Variants in ADCY8 observed in about 807,000 individuals in gnomAD.
The protein encoded by ADCY8 is adenylate cyclase type 8.
A neutral mutation model predicts 119.7 loss-of-function variants in ADCY8; 51 were observed. The ratio of observed to expected loss-of-function variants is 0.43; its 90% CI spans 0.34 to 0.54. ADCY8 has a LOEUF of 0.54. Among genes scored for constraint, ADCY8 ranks in the 20% least tolerant of loss-of-function variants. The pLI is 0.03. For missense variants in ADCY8, 1,383 were observed against 1,598.8 expected (o/e 0.87, Z 2.30); for synonymous variants, 665 against 651.0 (o/e 1.02, Z -0.33).
chr8:130,851,009 C>A (rs1052872325), intron 9 of ADCY8, among the ~76,000 whole-genome samples: 1 of 152,118 alleles, frequency 6.6e-6, no homozygotes, highest in African/African-American at 2.4e-5. Context: ...AGGCATCATA[C>A]AGTTGGTCAG....
At chr8:130,923,430 A>C (rs1254129902) in intron 5 of ADCY8, among the ~76,000 whole-genome samples, 2 of 152,256 alleles carry the variant, frequency 1.3e-5, no homozygotes, top group African/African-American at 4.8e-5. Context: ...TGACCCTGCC[A>C]CAAGGATTAA....
At chr8:130,893,657 GGTGTGTGTGTGTGTGT>G (rs113157821) in intron 7 of ADCY8, among the ~76,000 whole-genome samples, 4 of 148,896 alleles carry the variant, frequency 2.7e-5, no homozygotes, top group Admixed American at 2.0e-4. Context: ...GGGAGAAGAA[GGTGTGTGTGTGTGTGT>G]GTGTGTGTGT....
intron 2 of ADCY8, among the ~76,000 whole-genome samples, chr8:130,984,870 G>A (rs562536573): frequency 1.3e-5 from 2 of 152,130 alleles, no homozygotes; most frequent in African/African-American, 4.8e-5. Context: ...TGGTGCTGGT[G>A]GTGGGCATCT....
intron 1 of ADCY8, among the ~76,000 whole-genome samples, chr8:131,003,790 T>C (rs75868542): frequency 0.022 from 3,277 of 152,242 alleles, 139 homozygotes; most frequent in African/African-American, 0.073. Context: ...GGAGGAGTTT[T>C]ATCCACACTT....
At chr8:130,859,881 T>C (rs1817870236) in intron 9 of ADCY8, among the ~76,000 whole-genome samples, 1 of 152,230 alleles carries the variant, frequency 6.6e-6, no homozygotes, top group South Asian at 2.1e-4. Context: ...CAGAACATTA[T>C]ATAAATGGAA....
intron 5 of ADCY8, among the ~76,000 whole-genome samples, chr8:130,936,442 C>T (rs897557050): frequency 6.6e-6 from 1 of 152,182 alleles, no homozygotes; most frequent in Middle Eastern, 3.2e-3. Flanking sequence ...GTCATATGGG[C>T]TCTGGCTGCT....
intron 14 of ADCY8, among the ~76,000 whole-genome samples, chr8:130,807,199 G>A (rs1476838635): frequency 1.3e-5 from 2 of 152,142 alleles, no homozygotes; most frequent in African/African-American, 4.8e-5. Flanking sequence ...ACTATAGTCT[G>A]GTCCTTCACC....
At chr8:130,822,535 A>AATCCATGAATCCATCAATCC (rs1554603776) in intron 12 of ADCY8, among the ~76,000 whole-genome samples, 1 of 139,664 alleles carries the variant, frequency 7.2e-6, no homozygotes, top group African/African-American at 2.7e-5. Context: ...TGAATCCATG[A>AATCCATGAATCCATCAATCC]ATCCATCCAT....
At chr8:131,019,843 GTCTCTCTCTC>G (rs71306306) in intron 1 of ADCY8, among the ~76,000 whole-genome samples, 33 of 86,938 alleles carry the variant, frequency 3.8e-4, no homozygotes, top group East Asian at 5.0e-4. Context: ...CTCTCTGTCT[GTCTCTCTCTC>G]TCTCTCTCTC....
chr8:130,883,056 C>T (rs1818839575), intron 8 of ADCY8, among the ~76,000 whole-genome samples: 1 of 152,094 alleles, frequency 6.6e-6, no homozygotes, highest in Non-Finnish European at 1.5e-5. Flanking sequence ...TCCCTGGTCA[C>T]AGAAATCAAC....
intron 7 of ADCY8, among the ~76,000 whole-genome samples, chr8:130,891,233 A>T (rs1819175255): frequency 6.6e-6 from 1 of 152,130 alleles, no homozygotes; most frequent in Non-Finnish European, 1.5e-5. Flanking sequence ...TGGAAAAGGC[A>T]GAGGTTCCAC....
In ADCY8 at chr8:131,040,050, C is replaced by A; in HGVS notation, c.284G>T (p.Gly95Val). 2.6e-6 allele frequency: 4 copies of A among 1,547,020 alleles called. No homozygotes were observed. The highest frequency in any genetic ancestry group is 2.0e-4 in the Middle Eastern group (1 of 4,912). The stretch of plus-strand genomic sequence containing the variant: ...GGTGCTGTGCGCTCGCTCTCCCGGG[C>A]CCAGCGAGTAGAGGGGCAGCGCCGA... ...GDSALPLYSL[G>V]PGERAHSTCG... is the part of the protein sequence containing the mutation. The change falls in exon 1 of 18, where the codon GGC becomes GTC. Residue 95 changes from glycine to valine, a missense_variant. Physicochemically the swap from Gly to Val is moderately radical, Grantham distance 109. Around this residue, in one of 2 missense-constraint regions of ADCY8, gnomAD observed 455 missense variants for 435.3 expected, o/e 1.05. Transcript: ENST00000286355.
At chr8:130,836,577 A>C in intron 11 of ADCY8, 128 bp from the exon 12 acceptor site, 4 of 893,766 alleles carry the variant, frequency 4.5e-6, no homozygotes, top group Non-Finnish European at 6.7e-6. Flanking sequence ...GGCCTCCTGA[A>C]ATTCAACAGG....
intron 7 of ADCY8, among the ~76,000 whole-genome samples, chr8:130,891,154 T>G (rs1189804607): frequency 6.6e-5 from 10 of 152,156 alleles, no homozygotes; most frequent in African/African-American, 2.2e-4. Context: ...TGTGGCAGCA[T>G]GTTTCTGTGC....
rs1817454296 is a variant in ADCY8, at chr8:130,849,717, C to G, written c.2297G>C (p.Cys766Ser). 6.2e-7 allele frequency: 1 copy of G among 1,613,974 alleles called. No homozygotes were observed. The highest frequency in any genetic ancestry group is 8.5e-7 in the Non-Finnish European group (1 of 1,179,934). Residue 766 changes from cysteine (C) to serine (S), a missense_variant, in exon 10 of 18, where the codon TGT (cysteine) becomes TCT (serine). Around this residue, in one of 2 missense-constraint regions of ADCY8, gnomAD observed 928 missense variants for 1,163.5 expected, o/e 0.80. Coordinates refer to ENST00000286355, the MANE Select transcript of ADCY8 (RefSeq NM_001115.3). ...AGTTTTCCGGAGGATGAGGGGCAAA[C>G]ATTTATAATCCTCTGCTGTGGTGAT... ...VLITTAEDYK[C>S]LPLILRKTCC...
chr8:130,925,962 T>A (rs941675975), intron 5 of ADCY8, among the ~76,000 whole-genome samples: 2 of 152,178 alleles, frequency 1.3e-5, no homozygotes, highest in Non-Finnish European at 2.9e-5. Flanking sequence ...GAGAGAGTTA[T>A]CCCTCTCCAC....
intron 13 of ADCY8, among the ~76,000 whole-genome samples, chr8:130,820,132 A>C (rs1230101556): frequency 6.6e-6 from 1 of 152,206 alleles, no homozygotes; most frequent in East Asian, 1.9e-4. Flanking sequence ...GACTCAATAA[A>C]TATTAATTCT....
intron 14 of ADCY8, among the ~76,000 whole-genome samples, chr8:130,807,034 A>T (rs772069862): frequency 6.6e-6 from 1 of 152,218 alleles, no homozygotes; most frequent in Non-Finnish European, 1.5e-5. Context: ...CTGGGGAGGA[A>T]TTGATGAATA....
intron 5 of ADCY8, among the ~76,000 whole-genome samples, chr8:130,928,928 T>C (rs1820550466): frequency 6.6e-6 from 1 of 152,178 alleles, no homozygotes; most frequent in Non-Finnish European, 1.5e-5. Context: ...GGCCTTTTTT[T>C]AGATGAGAGA....
Sources: gnomAD v4.1 joint callset for allele counts (sites outside exome capture counted in the v4.1 genomes callset) on GRCh38, gnomAD v4.1.1 for gene constraint, gnomAD v4.1.1 regional missense constraint, MANE v1.5 for transcripts, NCBI Gene and HGNC (gene_info 2026-07-23, HGNC 2026-07-21) for gene names.